BICDL1: variants seen among roughly 807,000 people sequenced by gnomAD.
The protein encoded by BICDL1 is BICD family like cargo adaptor 1, also known as BICD family-like cargo adapter 1.
BICDL1 carries 20 observed loss-of-function variants against 76.8 expected under a neutral mutation model. That is an observed-to-expected ratio of 0.26 (90% CI 0.18 to 0.38). The LOEUF is 0.38. Ranked by LOEUF, BICDL1 falls within the 10% of genes least tolerant of loss-of-function variation. BICDL1 has a pLI of 1.00. For missense variants in BICDL1, 700 were observed against 798.6 expected (o/e 0.88, Z 1.49); for synonymous variants, 383 against 337.1 (o/e 1.14, Z -1.49).
chr12:120,020,139 G>C (rs1952149671), intron 2 of BICDL1, among the ~76,000 whole-genome samples: 1 of 152,200 alleles, frequency 6.6e-6, no homozygotes, highest in African/African-American at 2.4e-5. Context: ...GCTCTCTGGA[G>C]AAATGACTAA....
At chr12:119,993,466 GT>G (rs1951570430) in intron 1 of BICDL1, 1 of 152,128 alleles carries the variant, frequency 6.6e-6, no homozygotes, top group African/African-American at 2.4e-5. Flanking sequence ...TGGTTTAAAG[GT>G]TAACAGAAGT....
At chr12:120,002,725 C>T (rs1034745522) in intron 2 of BICDL1, among the ~76,000 whole-genome samples, 75 of 152,182 alleles carry the variant, frequency 4.9e-4, no homozygotes, top group African/African-American at 1.5e-3. Flanking sequence ...GAACACAAGT[C>T]CTCTGTTTTA....
chr12:119,993,120 AT>A (rs11326236), intron 1 of BICDL1: 49,369 of 141,616 alleles, frequency 0.35, 10,833 homozygotes, highest in African/African-American at 0.64. Flanking sequence ...CGCCTGGCTA[AT>A]TTTTTTTTTT....
At chr12:120,025,010 CCTT>C (rs566719070) in intron 2 of BICDL1, among the ~76,000 whole-genome samples, 22 of 151,300 alleles carry the variant, frequency 1.5e-4, no homozygotes, top group South Asian at 1.0e-3. Context: ...GTAGCCAAGT[CCTT>C]CTTCTTTAAA....
Position 120,074,455 on chromosome 12 carries a change from C to T in BICDL1, c.1321C>T (p.Leu441Phe). Residue 441 changes from leucine (L) to phenylalanine (F), a missense_variant, in exon 7 of 10, where the codon CTT becomes TTT. By Grantham distance (22) the Leu-to-Phe change is conservative. This residue lies in a region of BICDL1 where 455 missense variants were observed against 548.7 expected (regional missense o/e 0.83). Coordinates refer to ENST00000548673, the MANE Select transcript of BICDL1 (RefSeq NM_001367886.1). ...DGMEPTGSRR[L>F]DDDSLEEQIR... is the part of the protein sequence containing the mutation. Reference sequence around the variant, plus strand: ...CTTTTACTGTCAGGGCTCCCGGAGACTTGATGATGACTCCTTAGAAGAACA... The same window carrying T: ...CTTTTACTGTCAGGGCTCCCGGAGATTTGATGATGACTCCTTAGAAGAACA... 1 of 1,226,940 alleles carries T rather than the reference C, an allele frequency of 8.2e-7. No homozygotes were observed. The highest frequency in any genetic ancestry group is 2.9e-5 in the Admixed American group (1 of 34,074). The allele number at this position is 1,226,940 out of a possible 1,614,324, so 76.0% of individuals were successfully genotyped here.
chr12:120,080,769 G>C (rs928977163), intron 7 of BICDL1, 118 bp from the exon 8 acceptor site: 2 of 1,088,690 alleles, frequency 1.8e-6, no homozygotes, highest in Non-Finnish European at 2.6e-6. Context: ...AATGCTACCA[G>C]CTTGCACCCC....
intron 2 of BICDL1, among the ~76,000 whole-genome samples, chr12:120,046,163 C>A (rs1276169627): frequency 6.6e-6 from 1 of 152,162 alleles, no homozygotes; most frequent in Non-Finnish European, 1.5e-5. Context: ...AACTACCATT[C>A]ATGGATGAAA....
intron 8 of BICDL1, 140 bp downstream of exon 8, chr12:120,081,157 AC>A (rs1346950865): frequency 5.5e-6 from 3 of 545,134 alleles, no homozygotes; most frequent in Non-Finnish European, 8.2e-6. Flanking sequence ...CCCCACCCCC[AC>A]CCCCACCCCC....
At chr12:120,089,633 C>T (rs1187209957) in intron 8 of BICDL1, among the ~76,000 whole-genome samples, 7 of 151,998 alleles carry the variant, frequency 4.6e-5, no homozygotes, top group African/African-American at 7.3e-5. Context: ...CCACCCGCCT[C>T]GGCCTCCCAA....
chr12:120,053,188 A>G (rs911784835), intron 2 of BICDL1, among the ~76,000 whole-genome samples: 5 of 149,586 alleles, frequency 3.3e-5, no homozygotes, highest in African/African-American at 1.2e-4. Context: ...CAAGCGAAGC[A>G]ATTCTCCTGC....
At chr12:120,091,011 G>A in intron 9 of BICDL1, 2 of 1,288,902 alleles carry the variant, frequency 1.6e-6, no homozygotes, top group Non-Finnish European at 2.0e-6. Context: ...CACCCCTCCT[G>A]CCTTTGAGGT....
intron 2 of BICDL1, among the ~76,000 whole-genome samples, chr12:120,012,451 CT>C (rs1260304349): frequency 1.1e-4 from 17 of 152,178 alleles, no homozygotes; most frequent in Non-Finnish European, 2.4e-4. Flanking sequence ...AGAATTCCCC[CT>C]ATACACACCT....
intron 8 of BICDL1, among the ~76,000 whole-genome samples, chr12:120,089,377 TGTGTGTGTGTGTG>T (rs752111046): frequency 4.7e-5 from 7 of 148,612 alleles, no homozygotes; most frequent in African/African-American, 7.7e-5. Flanking sequence ...TCTTTCAACG[TGTGTGTGTGTGTG>T]GTGTGTGTGT....
intron 2 of BICDL1, among the ~76,000 whole-genome samples, chr12:120,001,332 C>T (rs746868551): frequency 2.0e-5 from 3 of 152,014 alleles, no homozygotes; most frequent in Admixed American, 1.3e-4. Context: ...CTGCAAGCTC[C>T]GCCTCCCGGG....
In BICDL1 at chr12:119,989,577, TC is replaced by T. The variant is rs1951467880; in HGVS notation, c.-289del. On this transcript the variant is annotated 5_prime_UTR_variant, in exon 1 of 10. Coordinates refer to ENST00000548673, the MANE Select transcript of BICDL1 (RefSeq NM_001367886.1). The stretch of plus-strand genomic sequence containing the variant: ...ACCCTCAGTCTCTGTTCCTGAGTCC[TC>T]CCTTCCCCAGCCTTCCCGTTCCCAC... 6.7e-6 allele frequency among the ~76,000 whole-genome samples: 1 copy of T among 150,026 alleles called. No individual in the cohort carries two copies. The highest frequency in any genetic ancestry group is 2.1e-4 in the South Asian group (1 of 4,808).
At chr12:120,089,138 CA>C (rs1337240349) in intron 8 of BICDL1, among the ~76,000 whole-genome samples, 2 of 152,240 alleles carry the variant, frequency 1.3e-5, no homozygotes, top group Non-Finnish European at 2.9e-5. Flanking sequence ...CCTTCTATAC[CA>C]GCAGGACAAG....
At chr12:120,012,629 A>G (rs1951976391) in intron 2 of BICDL1, among the ~76,000 whole-genome samples, 1 of 152,240 alleles carries the variant, frequency 6.6e-6, no homozygotes, top group South Asian at 2.1e-4. Flanking sequence ...CTTTCCCTTT[A>G]CATTAATGAT....
chr12:120,056,845 A>G (rs1952985099), intron 2 of BICDL1, among the ~76,000 whole-genome samples: 1 of 152,200 alleles, frequency 6.6e-6, no homozygotes, highest in Non-Finnish European at 1.5e-5. Flanking sequence ...GAGCATGAGC[A>G]CTGACCCTGC....
At chr12:120,045,924 A>ATAATAAT (rs761466299) in intron 2 of BICDL1, among the ~76,000 whole-genome samples, 9 of 151,702 alleles carry the variant, frequency 5.9e-5, no homozygotes, top group Admixed American at 5.3e-4. Context: ...TATTATAATA[A>ATAATAAT]TAATAATAAT....
Sources: allele counts gnomAD v4.1 joint callset (sites outside exome capture counted in the v4.1 genomes callset), GRCh38; gene constraint gnomAD v4.1.1; regional missense constraint gnomAD v4.1.1; transcripts MANE v1.5; gene names NCBI Gene and HGNC (gene_info 2026-07-23, HGNC 2026-07-21).